The following PARL variants were observed in gnomAD, a reference collection of about 807,000 sequenced individuals.
PARL encodes presenilin-associated rhomboid-like protein, mitochondrial.
Under a neutral mutation model 51.6 loss-of-function variants are expected in PARL, and 44 were observed. The observed-to-expected ratio is 0.85, with a 90% CI of 0.67 to 1.10. PARL has a LOEUF of 1.10. Ranked by LOEUF, PARL falls within the 50% of genes least tolerant of loss-of-function variation. The pLI, the probability that PARL is intolerant of heterozygous loss-of-function variation, is 0.00. For synonymous variants in PARL, 172 were observed against 164.0 expected (o/e 1.05, Z -0.37); for missense variants, 441 against 469.5 (o/e 0.94, Z 0.56).
At chr3:183,830,341 A>T (rs1297845330) in intron 9 of PARL, among the ~76,000 whole-genome samples, 1 of 152,200 alleles carries the variant, frequency 6.6e-6, no homozygotes, top group African/African-American at 2.4e-5. Flanking sequence ...CACAACTAGG[A>T]ATCAGCAGAC....
chr3:183,826,891 C>T (rs1727453182), downstream of PARL, among the ~76,000 whole-genome samples: 1 of 152,176 alleles, frequency 6.6e-6, no homozygotes, highest in Non-Finnish European at 1.5e-5. Flanking sequence ...ATTGATCAAA[C>T]AACAGTCAAA....
Position 183,833,522 on chromosome 3 carries a change from G to A in PARL, c.998C>T (p.Ala333Val), listed in dbSNP as rs200914846. The A allele has an allele frequency of 2.1e-5, 34 of 1,612,754 alleles. No homozygotes were observed. The East Asian group carries it at 3.8e-4, about 18-fold the overall frequency. The change falls in exon 9 of 10, where the codon GCG becomes GTG. Residue 333 changes from alanine to valine, a missense_variant. Ala to Val is a moderately conservative substitution (Grantham distance 64, BLOSUM62 0). Coordinates refer to ENST00000317096, the MANE Select transcript of PARL (RefSeq NM_018622.7). Reference sequence around the variant, plus strand: ...AAAAAGAGCTCCCCCAAGATGTGCCGCATGATCAAAAAATTTCCATCCCAG... The same window carrying A: ...AAAAAGAGCTCCCCCAAGATGTGCCACATGATCAAAAAATTTCCATCCCAG... The part of the protein sequence containing the change: ...MILGWKFFDH[A>V]AHLGGALFGI...
downstream of PARL, among the ~76,000 whole-genome samples, chr3:183,828,672 G>A (rs1250339835): frequency 6.6e-6 from 1 of 152,150 alleles, no homozygotes; most frequent in Non-Finnish European, 1.5e-5. Context: ...TTCCAAAGCC[G>A]CCATTCCCAT....
At chr3:183,866,544 C>G in intron 3 of PARL, 81 bp downstream of exon 3, 1 of 1,151,746 alleles carries the variant, frequency 8.7e-7, no homozygotes, top group Non-Finnish European at 1.3e-6. Context: ...ATCATGTACA[C>G]TGAAAACACG....
chr3:183,877,637 C>G (rs13087953), intron 1 of PARL, among the ~76,000 whole-genome samples: 1 of 152,094 alleles, frequency 6.6e-6, no homozygotes, highest in Non-Finnish European at 1.5e-5. Context: ...TCTGATCAGT[C>G]CACAGCCATC....
chr3:183,859,832 G>A (rs1461672585), intron 4 of PARL, among the ~76,000 whole-genome samples: 4 of 152,082 alleles, frequency 2.6e-5, no homozygotes, highest in African/African-American at 4.8e-5. Context: ...TGAACTTACC[G>A]TATCCAAAAT....
chr3:183,882,336 T>C lies in PARL; in HGVS notation c.125+2386A>G, dbSNP rs1249412610. ...ATATACACACATATATACACATATA[T>C]ACACACACATATATACATATATGCA... is the stretch of plus-strand genomic sequence containing the variant. On this transcript the variant is annotated intron_variant, in intron 1 of 9. Coordinates refer to ENST00000317096, the MANE Select transcript of PARL (RefSeq NM_018622.7). Among the ~76,000 whole-genome samples the C allele has an allele frequency of 4.2e-5, 6 of 143,234 alleles. No homozygotes were observed. In the East Asian group the frequency reaches 6.1e-4, roughly 14 times the overall value. The allele number at this position is 143,234 out of a possible 152,430, so 94.0% of individuals were successfully genotyped here.
chr3:183,843,076 G>A, intron 5 of PARL: 1 of 307,476 alleles, frequency 3.3e-6, no homozygotes, highest in Non-Finnish European at 4.7e-6. Context: ...TAGAGATGGG[G>A]TTTCACCATG....
chr3:183,856,423 C>T (rs946474848), intron 4 of PARL: 2 of 152,466 alleles, frequency 1.3e-5, no homozygotes, highest in Admixed American at 6.5e-5. Context: ...AGGCTCAAGC[C>T]ATCCTTACCT....
intron 4 of PARL, among the ~76,000 whole-genome samples, chr3:183,856,705 T>C (rs1431273375): frequency 4.6e-5 from 7 of 152,176 alleles, no homozygotes; most frequent in South Asian, 4.1e-4. Flanking sequence ...CAAAAAAGGA[T>C]TGTTATTTCT....
chr3:183,857,054 A>G (rs887402875), intron 4 of PARL, among the ~76,000 whole-genome samples: 20 of 152,312 alleles, frequency 1.3e-4, no homozygotes, highest in Non-Finnish European at 2.1e-4. Context: ...TACATGGAAT[A>G]CCATAATGCC....
At chr3:183,857,700 C>T (rs1731327849) in intron 4 of PARL, among the ~76,000 whole-genome samples, 1 of 152,152 alleles carries the variant, frequency 6.6e-6, no homozygotes, top group Non-Finnish European at 1.5e-5. Flanking sequence ...TCATCTGCTA[C>T]CATGCATATT....
chr3:183,868,861 C>CCTCT (rs1295350633), intron 1 of PARL, among the ~76,000 whole-genome samples: 1 of 152,146 alleles, frequency 6.6e-6, no homozygotes, highest in Admixed American at 6.6e-5. Context: ...TTAAAACACT[C>CCTCT]CTCTCACCTC....
At chr3:183,884,624 G>C (rs754453494) in intron 1 of PARL, 98 bp downstream of exon 1, 35 of 1,237,412 alleles carry the variant, frequency 2.8e-5, no homozygotes, top group South Asian at 2.5e-4. Flanking sequence ...GGTGAGCTGG[G>C]GCCAGCACAA....
intron 9 of PARL, among the ~76,000 whole-genome samples, chr3:183,832,007 A>T (rs1727995503): frequency 6.6e-6 from 1 of 152,170 alleles, no homozygotes; most frequent in Non-Finnish European, 1.5e-5. Context: ...GTATACATGG[A>T]AGATAAATTT....
chr3:183,854,539 G>A (rs1730916803), intron 4 of PARL, among the ~76,000 whole-genome samples: 1 of 152,020 alleles, frequency 6.6e-6, no homozygotes, highest in Admixed American at 6.6e-5. Context: ...GTAGCCAAAT[G>A]CATAGAAAAA....
At chr3:183,836,004 G>A (rs1044561206) in intron 7 of PARL, among the ~76,000 whole-genome samples, 6 of 151,936 alleles carry the variant, frequency 3.9e-5, no homozygotes, top group Non-Finnish European at 8.8e-5. Flanking sequence ...GATCACCTGA[G>A]GTCTGGAGTT....
chr3:183,849,874 T>A (rs774600087), intron 4 of PARL, among the ~76,000 whole-genome samples: 1 of 152,164 alleles, frequency 6.6e-6, no homozygotes, highest in African/African-American at 2.4e-5. Context: ...ACGAACCTTA[T>A]AGAAATCAGA....
chr3:183,852,140 G>A (rs978570299), intron 4 of PARL, among the ~76,000 whole-genome samples: 1 of 152,178 alleles, frequency 6.6e-6, no homozygotes, highest in Non-Finnish European at 1.5e-5. Context: ...CTGAGTGACA[G>A]AGCGAGACTC....
Sources: allele counts gnomAD v4.1 joint callset (sites outside exome capture counted in the v4.1 genomes callset), GRCh38; gene constraint gnomAD v4.1.1; transcripts MANE v1.5; gene names NCBI Gene and HGNC (gene_info 2026-07-23, HGNC 2026-07-21).